PVT1: variants seen among roughly 807,000 people sequenced by gnomAD.
The protein encoded by PVT1 is Pvt1 oncogene, also known as CXCR4/PVT1 fusion.
At chr8:127,850,203 C>G (rs988270676) in intron 2 of PVT1, among the ~76,000 whole-genome samples, 1 of 152,164 alleles carries the variant, frequency 6.6e-6, no homozygotes, top group Non-Finnish European at 1.5e-5. Context: ...CTATACCACC[C>G]ACCCTAGGGC....
At chr8:128,047,430 G>C (rs1327709358) in intron 4 of PVT1, among the ~76,000 whole-genome samples, 1 of 152,214 alleles carries the variant, frequency 6.6e-6, no homozygotes, top group East Asian at 1.9e-4. Context: ...TGTGGAAATG[G>C]TGGCAGTTGC....
chr8:127,815,489 T>G (rs1487833081), intron 2 of PVT1, among the ~76,000 whole-genome samples: 2 of 152,114 alleles, frequency 1.3e-5, no homozygotes, highest in Non-Finnish European at 2.9e-5. Context: ...GCTCCCAGAG[T>G]CTTGACCCTG....
chr8:128,038,302 T>C (rs1468730904), intron 4 of PVT1, among the ~76,000 whole-genome samples: 1 of 152,248 alleles, frequency 6.6e-6, no homozygotes, highest in Non-Finnish European at 1.5e-5. Flanking sequence ...CTCCATCCTG[T>C]CTTGTCCCCT....
chr8:128,090,945 A>G (rs907556818), intron 5 of PVT1, among the ~76,000 whole-genome samples: 11 of 152,078 alleles, frequency 7.2e-5, no homozygotes, highest in African/African-American at 2.2e-4. Context: ...TTTCGAGTCT[A>G]GCTCCTCTAT....
intron 3 of PVT1, among the ~76,000 whole-genome samples, chr8:127,905,831 A>G (rs1815813413): frequency 6.6e-6 from 1 of 152,202 alleles, no homozygotes; most frequent in East Asian, 1.9e-4. Flanking sequence ...GCAAGAGTGC[A>G]CTGGCTTTCG....
chr8:128,057,923 C>A (rs1813780790), intron 4 of PVT1, among the ~76,000 whole-genome samples: 10 of 152,148 alleles, frequency 6.6e-5, no homozygotes, highest in Admixed American at 6.5e-4. Context: ...ACTAGTCTTA[C>A]CATGGATACC....
chr8:127,863,732 T>C (rs1326242153), intron 2 of PVT1, among the ~76,000 whole-genome samples: 3 of 152,192 alleles, frequency 2.0e-5, no homozygotes, highest in Non-Finnish European at 4.4e-5. Context: ...AGTGCTTAGC[T>C]TGGAAGCCAA....
intron 2 of PVT1, among the ~76,000 whole-genome samples, chr8:127,842,723 C>T (rs1029513892): frequency 3.9e-5 from 6 of 152,106 alleles, no homozygotes; most frequent in South Asian, 2.1e-4. Flanking sequence ...TGTGCACCAA[C>T]CCTCCCTCTT....
intron 4 of PVT1, among the ~76,000 whole-genome samples, chr8:128,021,289 G>GTTTTTT (rs1332480547): frequency 1.8e-5 from 1 of 54,882 alleles, no homozygotes; most frequent in African/African-American, 5.7e-5. Flanking sequence ...CAGGACTTGT[G>GTTTTTT]CTTTTTTTTT....
chr8:127,923,650 C>T (rs777302108), intron 3 of PVT1, among the ~76,000 whole-genome samples: 3 of 152,194 alleles, frequency 2.0e-5, no homozygotes, highest in Non-Finnish European at 4.4e-5. Flanking sequence ...ACATTAAAAG[C>T]GCTGAGACTC....
chr8:127,815,124 C>T (rs1335415848), intron 2 of PVT1, among the ~76,000 whole-genome samples: 3 of 152,114 alleles, frequency 2.0e-5, no homozygotes, highest in Admixed American at 6.5e-5. Flanking sequence ...CACCACCACG[C>T]GTGGCTAATT....
chr8:128,006,145 T>A (rs2016863), intron 4 of PVT1, among the ~76,000 whole-genome samples: 6,613 of 134,234 alleles, frequency 0.049, 402 homozygotes, highest in African/African-American at 0.11. Context: ...ATAATAATAA[T>A]AATAAAAAGA....
At chr8:127,820,134 C>T (rs1814712975) in intron 2 of PVT1, among the ~76,000 whole-genome samples, 1 of 152,142 alleles carries the variant, frequency 6.6e-6, no homozygotes, top group Non-Finnish European at 1.5e-5. Flanking sequence ...GGCCAGCGGT[C>T]CAGCACTCCC....
At chr8:127,838,746 T>C (rs1005433974) in intron 2 of PVT1, among the ~76,000 whole-genome samples, 4 of 152,212 alleles carry the variant, frequency 2.6e-5, no homozygotes, top group Non-Finnish European at 5.9e-5. Flanking sequence ...ATTTATTGTT[T>C]ACTACTATGT....
intron 3 of PVT1, among the ~76,000 whole-genome samples, chr8:127,945,434 G>T (rs145443656): frequency 6.6e-6 from 1 of 152,076 alleles, no homozygotes; most frequent in South Asian, 2.1e-4. Context: ...CCCCCATCTG[G>T]TCACCCACAT....
intron 2 of PVT1, among the ~76,000 whole-genome samples, chr8:127,865,998 G>A (rs564487482): frequency 6.6e-6 from 1 of 152,322 alleles, no homozygotes; most frequent in East Asian, 1.9e-4. Context: ...GCGAGATAAA[G>A]GGGCTTGCAT....
chr8:127,992,019 T>C (rs1134492), intron 4 of PVT1, among the ~76,000 whole-genome samples: 42,889 of 151,154 alleles, frequency 0.28, 6,260 homozygotes, highest in East Asian at 0.44. Flanking sequence ...TCCCACTGCC[T>C]ATTTGACTCT....
intron 4 of PVT1, among the ~76,000 whole-genome samples, chr8:128,062,970 A>G (rs1181930590): frequency 2.0e-5 from 3 of 152,198 alleles, no homozygotes; most frequent in East Asian, 1.9e-4. Context: ...GGGGCAAGTC[A>G]CAGATCTTTT....
At chr8:127,843,737 G>A (rs1446700577) in intron 2 of PVT1, among the ~76,000 whole-genome samples, 1 of 130,156 alleles carries the variant, frequency 7.7e-6, no homozygotes, top group African/African-American at 3.2e-5. Context: ...GAGCCACCAC[G>A]CCTGGCCTGT....
Sources: allele counts gnomAD v4.1 joint callset (sites outside exome capture counted in the v4.1 genomes callset), GRCh38; gene constraint gnomAD v4.1.1; transcripts MANE v1.5; gene names NCBI Gene and HGNC (gene_info 2026-07-23, HGNC 2026-07-21).